Variants in PIGX observed in about 807,000 individuals in gnomAD.
The protein encoded by PIGX is phosphatidylinositol glycan anchor biosynthesis class X, also known as GPI alpha-1,4-mannosyltransferase I, stabilizing subunit.
PIGX carries 24 observed loss-of-function variants against 28.7 expected under a neutral mutation model. The observed-to-expected ratio is 0.84, with a 90% CI of 0.60 to 1.17. The LOEUF is 1.17. PIGX is among the 50% of genes most tolerant of loss of function. The pLI, the probability that PIGX is intolerant of heterozygous loss-of-function variation, is 0.00. For synonymous variants in PIGX, 127 were observed against 121.0 expected (o/e 1.05, Z -0.33); for missense variants, 305 against 317.8 (o/e 0.96, Z 0.31).
At chr3:196,732,212 TTATTTATATATATATA>T (rs1438282854) in intron 5 of PIGX, among the ~76,000 whole-genome samples, 2 of 52,254 alleles carry the variant, frequency 3.8e-5, no homozygotes, top group African/African-American at 1.4e-4. Flanking sequence ...TATGTATATA[TTATTTATATATATATA>T]TATATATATA....
chr3:196,726,659 A>G, intron 3 of PIGX: 1 of 456,480 alleles, frequency 2.2e-6, no homozygotes, highest in Non-Finnish European at 4.4e-6. Context: ...TGTCAGGAGA[A>G]GACTTCATGG....
chr3:196,727,812 G>T (rs1372200193), intron 3 of PIGX, 111 bp from the exon 4 acceptor site: 15 of 620,020 alleles, frequency 2.4e-5, no homozygotes, highest in East Asian at 5.7e-5. Flanking sequence ...GCTTATAAAA[G>T]GGGCAAATTT....
intron 4 of PIGX, among the ~76,000 whole-genome samples, chr3:196,729,962 T>C (rs6763611): frequency 0.74 from 110,918 of 150,906 alleles, 40,816 homozygotes; most frequent in Admixed American, 0.76. Context: ...CCCAGCTACT[T>C]GGGAGGCTGA....
At chr3:196,731,195 T>C in intron 5 of PIGX, 103 bp downstream of exon 5, 1 of 553,150 alleles carries the variant, frequency 1.8e-6, no homozygotes, top group Non-Finnish European at 3.2e-6. Flanking sequence ...TTTTTTTTTT[T>C]TAGGCGGAGT....
intron 5 of PIGX, among the ~76,000 whole-genome samples, chr3:196,732,221 TATATATATATATATATATA>T: frequency 1.3e-4 from 3 of 23,070 alleles, no homozygotes; most frequent in South Asian, 1.1e-3. Context: ...ATTATTTATA[TATATATATATATATATATA>T]TATATATATA....
intron 1 of PIGX, among the ~76,000 whole-genome samples, chr3:196,713,925 G>A (rs547717763): frequency 6.6e-6 from 1 of 151,870 alleles, no homozygotes; most frequent in African/African-American, 2.4e-5. Context: ...AATGTTGAAG[G>A]TAAATTCACA....
At chr3:196,726,666 A>G (rs1560078163) in intron 3 of PIGX, 1 of 456,570 alleles carries the variant, frequency 2.2e-6, no homozygotes, top group South Asian at 1.5e-5. Context: ...AGAAGACTTC[A>G]TGGCGGCGGC....
chr3:196,712,796 T>G, intron 1 of PIGX, 152 bp downstream of exon 1: 11 of 1,099,630 alleles, frequency 1.0e-5, no homozygotes, highest in Non-Finnish European at 7.7e-6. Context: ...TGTGCCCTCC[T>G]TCCCTCCCGT....
intron 1 of PIGX, among the ~76,000 whole-genome samples, chr3:196,714,965 A>C (rs1364493059): frequency 6.6e-6 from 1 of 152,058 alleles, no homozygotes; most frequent in Non-Finnish European, 1.5e-5. Flanking sequence ...AGTCCCAGCT[A>C]CTCTGGAGGC....
chr3:196,731,185 T>TG, intron 5 of PIGX, 93 bp downstream of exon 5: 16 of 626,452 alleles, frequency 2.6e-5, no homozygotes, highest in African/African-American at 2.3e-4. Flanking sequence ...ATTAGCATTT[T>TG]TTTTTTTTTT....
chr3:196,721,277 T>C lies in PIGX; in HGVS notation c.177-1138T>C, dbSNP rs546638762. The C allele has an allele frequency of 2.5e-5, 7 of 284,392 alleles. No homozygotes were observed. In the East Asian group the frequency reaches 6.2e-4, roughly 25 times the overall value. 17.6% of individuals were successfully genotyped at this position (284,392 alleles called of 1,614,324 possible). A position where few individuals can be genotyped will look rare whatever the true frequency, so the allele number is the denominator to read the frequency against. On this transcript the variant is annotated intron_variant, in intron 2 of 5. Coordinates refer to ENST00000392391, the MANE Select transcript of PIGX (RefSeq NM_017861.4). ...GTCTTTTTTCCTCTCTGTGCTTCAG[T>C]GTGGGTAGTTTCTGTTGCTGTGTCT...
intron 2 of PIGX, chr3:196,721,408 G>T: frequency 6.3e-6 from 1 of 159,574 alleles, no homozygotes. Flanking sequence ...GTTGCATTTA[G>T]TTTTTTAAAA....
Position 196,712,578 on chromosome 3 carries a change from C to G in PIGX, c.46C>G (p.Leu16Val). The change falls in exon 1 of 6, where the codon CTC (leucine) becomes GTC (valine). Residue 16 changes from leucine (L) to valine (V), a missense_variant. Coordinates refer to ENST00000392391, the MANE Select transcript of PIGX (RefSeq NM_017861.4). Reference sequence around the variant, plus strand: ...GGTTCGGGCGGCCGCCTGGCTGCTCCTCGGGGCGGCGACCGGGCTCACGCG... The same window carrying G: ...GGTTCGGGCGGCCGCCTGGCTGCTCGTCGGGGCGGCGACCGGGCTCACGCG... The G allele has an allele frequency of 2.5e-6, 3 of 1,189,842 alleles. No individual in the cohort carries two copies. Among genetic ancestry groups the G allele is most frequent in the Non-Finnish European group, 3.1e-6 (3 of 960,932 alleles). The allele number at this position is 1,189,842 out of a possible 1,614,324, so 73.7% of individuals were successfully genotyped here. A position where few individuals can be genotyped will look rare whatever the true frequency, so the allele number is the denominator to read the frequency against.
chr3:196,715,216 T>G (rs770365943), intron 1 of PIGX, among the ~76,000 whole-genome samples: 8 of 152,236 alleles, frequency 5.3e-5, no homozygotes, highest in Non-Finnish European at 1.2e-4. Context: ...ATTTCTTTTT[T>G]GAGGGCTGGA....
At chr3:196,731,161 GC>G in intron 5 of PIGX, 69 bp downstream of exon 5, 1 of 860,908 alleles carries the variant, frequency 1.2e-6, no homozygotes, top group Non-Finnish European at 1.9e-6. Context: ...TAATGTTCCT[GC>G]CACATTTAAG....
intron 1 of PIGX, among the ~76,000 whole-genome samples, 176 bp from the exon 2 acceptor site, chr3:196,716,682 T>C (rs112942721): frequency 2.1e-4 from 32 of 152,294 alleles, no homozygotes; most frequent in African/African-American, 6.5e-4. Flanking sequence ...CAGTGCTATA[T>C]TGGAAGTAGA....
At chr3:196,723,680 GTTAAGAAAT>G (rs1712412789) in intron 3 of PIGX, among the ~76,000 whole-genome samples, 1 of 147,248 alleles carries the variant, frequency 6.8e-6, no homozygotes, top group East Asian at 2.0e-4. Flanking sequence ...GGTGATTTCT[GTTAAGAAAT>G]TTTGGGAGAC....
chr3:196,727,210 G>T (rs974016012), intron 3 of PIGX, among the ~76,000 whole-genome samples: 1 of 152,096 alleles, frequency 6.6e-6, no homozygotes, highest in African/African-American at 2.4e-5. Flanking sequence ...TGTGTATGTG[G>T]ATATATGTGA....
Position 196,712,461 on chromosome 3 carries a change from G to T in PIGX, c.-72G>T. 1 of 671,438 alleles carries T rather than the reference G, an allele frequency of 1.5e-6. No homozygotes were observed. The highest frequency in any genetic ancestry group is 7.2e-5 in the South Asian group (1 of 13,890). 41.6% of individuals were successfully genotyped at this position (671,438 alleles called of 1,614,324 possible). ...TGGGGCAGCGCGCGGTAGGAGCTGC[G>T]GGCGGCCAGGCCCCTTCCTGCGTCC... On this transcript the variant is annotated 5_prime_UTR_variant, in exon 1 of 6. Transcript: ENST00000392391.
Sources: gnomAD v4.1 joint callset for allele counts (sites outside exome capture counted in the v4.1 genomes callset) on GRCh38, gnomAD v4.1.1 for gene constraint, MANE v1.5 for transcripts, NCBI Gene and HGNC (gene_info 2026-07-23, HGNC 2026-07-21) for gene names.